KCNQ5: variants seen among roughly 807,000 people sequenced by gnomAD.
KCNQ5 encodes potassium voltage-gated channel subfamily Q member 5, also known as potassium voltage-gated channel subfamily KQT member 5.
Under a neutral mutation model 98.2 loss-of-function variants are expected in KCNQ5, and 30 were observed. That is an observed-to-expected ratio of 0.31 (90% CI 0.23 to 0.41). KCNQ5 has a LOEUF of 0.41. Ranked by LOEUF, KCNQ5 falls within the 10% of genes least tolerant of loss-of-function variation. The pLI is 1.00. For synonymous variants in KCNQ5, 458 were observed against 449.4 expected, an observed-to-expected ratio of 1.02 and a Z score of -0.24; for missense variants, 835 against 1,182.5, an observed-to-expected ratio of 0.71 and a Z score of 4.31.
chr6:72,790,778 A>C (rs1342527933), intron 1 of KCNQ5, among the ~76,000 whole-genome samples: 1 of 152,228 alleles, frequency 6.6e-6, no homozygotes, highest in Non-Finnish European at 1.5e-5. Context: ...AAATAAAGTC[A>C]TTTAGAACAT....
intron 1 of KCNQ5, among the ~76,000 whole-genome samples, chr6:72,830,765 C>T (rs1776224277): frequency 6.6e-6 from 1 of 152,128 alleles, no homozygotes; most frequent in Admixed American, 6.5e-5. Flanking sequence ...AGCTTCTGCA[C>T]AGCAAGGAAA....
chr6:72,903,077 A>G (rs983034803), intron 1 of KCNQ5, among the ~76,000 whole-genome samples: 4 of 152,146 alleles, frequency 2.6e-5, no homozygotes, highest in African/African-American at 9.7e-5. Context: ...GTATCTTTGC[A>G]GGAATGTATC....
intron 10 of KCNQ5, among the ~76,000 whole-genome samples, chr6:73,153,491 A>G: frequency 6.6e-6 from 1 of 152,262 alleles, no homozygotes; most frequent in Middle Eastern, 3.4e-3. Flanking sequence ...CACAGCATAA[A>G]CTATAATCCT....
chr6:72,973,281 T>C (rs1767989074), intron 1 of KCNQ5, among the ~76,000 whole-genome samples: 1 of 144,460 alleles, frequency 6.9e-6, no homozygotes, highest in African/African-American at 2.6e-5. Context: ...GGGAAATCTT[T>C]GCACCTTCCT....
chr6:72,835,900 T>C (rs556929322), intron 1 of KCNQ5, among the ~76,000 whole-genome samples: 1 of 152,226 alleles, frequency 6.6e-6, no homozygotes, highest in South Asian at 2.1e-4. Context: ...GACTATATAA[T>C]AGTATATCAC....
chr6:72,696,341 A>G (rs904515040), intron 1 of KCNQ5, among the ~76,000 whole-genome samples: 3 of 152,210 alleles, frequency 2.0e-5, no homozygotes, highest in Non-Finnish European at 4.4e-5. Context: ...ATAAATCTAC[A>G]AACAATACTT....
intron 1 of KCNQ5, among the ~76,000 whole-genome samples, chr6:72,894,065 G>A (rs1779155248): frequency 6.6e-6 from 1 of 152,208 alleles, no homozygotes; most frequent in African/African-American, 2.4e-5. Flanking sequence ...GAACTTTATA[G>A]TAGACTTCAG....
chr6:73,116,556 C>T (rs1424841129), intron 7 of KCNQ5, among the ~76,000 whole-genome samples: 1 of 152,080 alleles, frequency 6.6e-6, no homozygotes, highest in Non-Finnish European at 1.5e-5. Context: ...TCCTCACACA[C>T]CTGTAGCTAC....
chr6:72,843,273 G>A (rs1776877317), intron 1 of KCNQ5, among the ~76,000 whole-genome samples: 2 of 152,136 alleles, frequency 1.3e-5, no homozygotes, highest in African/African-American at 2.4e-5. Context: ...TGTCAGGTTT[G>A]TCAAAGATCA....
chr6:73,125,029 A>T (rs1775917637), intron 9 of KCNQ5, among the ~76,000 whole-genome samples: 1 of 126,498 alleles, frequency 7.9e-6, no homozygotes, highest in African/African-American at 2.7e-5. Flanking sequence ...TACATACATT[A>T]TATGTATAGG....
chr6:72,691,346 A>C (rs959618342), intron 1 of KCNQ5, among the ~76,000 whole-genome samples: 1 of 152,238 alleles, frequency 6.6e-6, no homozygotes, highest in Non-Finnish European at 1.5e-5. Flanking sequence ...CCACTGGAAT[A>C]ATTCAAATGA....
intron 1 of KCNQ5, among the ~76,000 whole-genome samples, chr6:72,909,907 C>T (rs928619112): frequency 6.6e-6 from 1 of 152,164 alleles, no homozygotes; most frequent in Non-Finnish European, 1.5e-5. Context: ...TAGACATCAA[C>T]CCACTTTTAC....
chr6:72,787,798 C>T (rs867696311), intron 1 of KCNQ5, among the ~76,000 whole-genome samples: 1 of 152,192 alleles, frequency 6.6e-6, no homozygotes, highest in Non-Finnish European at 1.5e-5. Context: ...TAATCAGCTC[C>T]TCTATTGATT....
At chr6:73,140,210 AT>A (rs79291527) in intron 10 of KCNQ5, among the ~76,000 whole-genome samples, 3,046 of 152,270 alleles carry the variant, frequency 0.02, 219 homozygotes, top group Admixed American at 0.12. Flanking sequence ...TATTTGACTA[AT>A]TTATGCACAC....
intron 1 of KCNQ5, among the ~76,000 whole-genome samples, chr6:72,875,728 A>G (rs1051298344): frequency 2.0e-5 from 3 of 152,122 alleles, no homozygotes; most frequent in South Asian, 4.2e-4. Flanking sequence ...ATGTATTTTT[A>G]TTTGAATTTT....
intron 1 of KCNQ5, chr6:72,640,799 T>C (rs1253421622): frequency 2.0e-5 from 3 of 152,142 alleles, no homozygotes; most frequent in African/African-American, 4.8e-5. Flanking sequence ...GGAGCCAGCA[T>C]TGGTGGTCAA....
rs57867720 is a variant in KCNQ5 at position 73,170,420 on chromosome 6, C to CCACACACACA, written c.1577+598_1577+607dup. On this transcript the variant is annotated intron_variant, in intron 11 of 13. Coordinates refer to ENST00000370398, the MANE Select transcript of KCNQ5 (RefSeq NM_019842.4). ...TTTACCTTTTCCATGACCTTTCCCA[C>CCACACACACA]CACACACACACACACACACACACAC... 5.0e-4 allele frequency among the ~76,000 whole-genome samples: 71 copies of CCACACACACA among 140,932 alleles called. 1 individual carries two copies. The highest frequency in any genetic ancestry group is 7.7e-4 in the African/African-American group (29 of 37,530). 92.5% of individuals were successfully genotyped at this position (140,932 alleles called of 152,430 possible).
chr6:73,131,336 C>G (rs1012046803), intron 9 of KCNQ5, among the ~76,000 whole-genome samples: 1 of 151,842 alleles, frequency 6.6e-6, no homozygotes, highest in Non-Finnish European at 1.5e-5. Flanking sequence ...AGAGATATAT[C>G]TTGAAAGTTG....
rs1562156115 is a variant in KCNQ5 at position 73,063,694 on chromosome 6, A to AGATAGATAGATAGAT, written c.617-13627_617-13613dup. Among the ~76,000 whole-genome samples the AGATAGATAGATAGAT allele has an allele frequency of 1.8e-3, 74 of 42,244 alleles. 1 individual carries two copies. The highest frequency in any genetic ancestry group is 8.3e-3 in the South Asian group (7 of 842). 27.7% of individuals were successfully genotyped at this position (42,244 alleles called of 152,430 possible). A position where few individuals can be genotyped will look rare whatever the true frequency, so the allele number is the denominator to read the frequency against. ...ATAGATAGATAGATAGATGATAGAT[A>AGATAGATAGATAGAT]GATAGATAGATAGATAGATAGATAG... On this transcript the variant is annotated intron_variant, in intron 3 of 13. Coordinates refer to ENST00000370398, the MANE Select transcript of KCNQ5 (RefSeq NM_019842.4).
Sources: allele counts gnomAD v4.1 joint callset (sites outside exome capture counted in the v4.1 genomes callset), GRCh38; gene constraint gnomAD v4.1.1; transcripts MANE v1.5; gene names NCBI Gene and HGNC (gene_info 2026-07-23, HGNC 2026-07-21).